Variants in PCLO observed in about 807,000 individuals in gnomAD.
The protein encoded by PCLO is protein piccolo.
Under a neutral mutation model 427.5 loss-of-function variants are expected in PCLO, and 82 were observed. The observed-to-expected ratio is 0.19, with a 90% confidence interval of 0.16 to 0.23. The LOEUF is 0.23. Ranked by LOEUF, PCLO falls within the 10% of genes least tolerant of loss-of-function variation. PCLO has a pLI of 1.00. For synonymous variants in PCLO, 2,357 were observed against 2,155.4 expected (o/e 1.09, Z -2.59); for missense variants, 6,239 against 6,115.9 (o/e 1.02, Z -0.67).
intron 3 of PCLO, among the ~76,000 whole-genome samples, chr7:83,096,250 A>C (rs183519247): frequency 1.9e-3 from 270 of 139,308 alleles, no homozygotes; most frequent in African/African-American, 6.8e-3. Context: ...TAGTACACAG[A>C]GAGATAAGCC....
Position 82,950,694 on chromosome 7 carries a change from C to G in PCLO, c.9894G>C (p.Gln3298His). The change falls in exon 6 of 25, where the codon CAG becomes CAC. Residue 3298 changes from glutamine (Q) to histidine (H), a missense_variant. Gln to His is a conservative substitution (Grantham distance 24). Transcript: ENST00000333891. ...GCTGCTGGTGAAGCTGTTGTTGCAG[C>G]TGTTGGATCTGCTCAAGCTGTAACT... The part of the protein sequence containing the change: ...QQQLQLEQIQ[Q>H]LQQQLHQQLE... 1 of 1,613,862 alleles carries G rather than the reference C, an allele frequency of 6.2e-7. No individual in the cohort carries two copies. Among genetic ancestry groups the G allele is most frequent in the Non-Finnish European group, 8.5e-7 (1 of 1,179,846 alleles).
chr7:82,838,268 G>A lies in PCLO; in HGVS notation c.14172C>T (p.Asn4724=). The A allele has an allele frequency of 1.3e-6, 2 of 1,590,354 alleles. No homozygotes were observed. The highest frequency in any genetic ancestry group is 1.7e-6 in the Non-Finnish European group (2 of 1,163,136). Residue 4724 remains asparagine (N), a synonymous_variant, in exon 15 of 25, where the codon AAC becomes AAT. Transcript: ENST00000333891. ...LQARNLVPRD[N]NGYSDPFVKV... is the part of the protein sequence containing the mutation. ...TCACAAAAGGGTCAGAATAACCATT[G>A]TTGTCTCGAGGAACAAGATTTCTTG...
intron 2 of PCLO, among the ~76,000 whole-genome samples, chr7:83,151,641 T>C (rs574656319): frequency 7.9e-5 from 12 of 152,322 alleles, no homozygotes; most frequent in African/African-American, 2.9e-4. Flanking sequence ...AAATTCTTAT[T>C]ATCTTTCATA....
chr7:83,020,866 G>C (rs1788325844), intron 3 of PCLO, among the ~76,000 whole-genome samples: 1 of 152,128 alleles, frequency 6.6e-6, no homozygotes, highest in African/African-American at 2.4e-5. Context: ...AGGTCAGCTT[G>C]CTCTCTGATC....
At chr7:82,865,710 C>G (rs991803965) in intron 10 of PCLO, among the ~76,000 whole-genome samples, 2 of 152,026 alleles carry the variant, frequency 1.3e-5, no homozygotes, top group African/African-American at 4.8e-5. Flanking sequence ...AATGAATGAA[C>G]ATATTGAGAT....
At chr7:82,909,801 TA>T (rs1794278765) in intron 7 of PCLO, among the ~76,000 whole-genome samples, 1 of 152,072 alleles carries the variant, frequency 6.6e-6, no homozygotes, top group African/African-American at 2.4e-5. Flanking sequence ...ATAAAATGAT[TA>T]TTTTTTTAAG....
chr7:83,125,303 G>T (rs1584056770), intron 3 of PCLO, among the ~76,000 whole-genome samples: 1 of 151,902 alleles, frequency 6.6e-6, no homozygotes, highest in Non-Finnish European at 1.5e-5. Context: ...GCCCCCTCTG[G>T]AAGGTGGGGG....
intron 3 of PCLO, among the ~76,000 whole-genome samples, chr7:83,065,444 C>A (rs1358291693): frequency 6.9e-6 from 1 of 145,686 alleles, no homozygotes; most frequent in East Asian, 2.0e-4. Flanking sequence ...TTTTTTTTTC[C>A]ATTTGGTTTG....
chr7:82,966,553 C>T (rs1795779910), intron 3 of PCLO, 66 bp from the exon 4 acceptor site: 1 of 1,074,746 alleles, frequency 9.3e-7, no homozygotes, highest in African/African-American at 1.6e-5. Flanking sequence ...TGTGATTTTA[C>T]CAAAGTGAAA....
intron 22 of PCLO, among the ~76,000 whole-genome samples, chr7:82,775,622 C>A (rs1346085325): frequency 6.6e-6 from 1 of 152,134 alleles, no homozygotes; most frequent in Non-Finnish European, 1.5e-5. Flanking sequence ...GGATAACAGA[C>A]CTTTATAAGT....
intron 3 of PCLO, among the ~76,000 whole-genome samples, chr7:83,085,226 T>C (rs1187119293): frequency 6.6e-6 from 1 of 152,122 alleles, no homozygotes; most frequent in African/African-American, 2.4e-5. Flanking sequence ...GAAAAGCAAC[T>C]TGTGGAAAGA....
chr7:82,878,132 C>T (rs1793419036), intron 10 of PCLO, among the ~76,000 whole-genome samples: 1 of 152,200 alleles, frequency 6.6e-6, no homozygotes, highest in South Asian at 2.1e-4. Context: ...CCAATTCAAG[C>T]TATCATCATG....
intron 10 of PCLO, among the ~76,000 whole-genome samples, chr7:82,863,876 A>G (rs913760654): frequency 2.6e-5 from 4 of 152,048 alleles, no homozygotes; most frequent in African/African-American, 9.7e-5. Context: ...ACTTGTGGTA[A>G]TACCTTCGGT....
At chr7:82,946,241 T>C (rs534097003) in intron 6 of PCLO, among the ~76,000 whole-genome samples, 2 of 152,286 alleles carry the variant, frequency 1.3e-5, no homozygotes, top group Admixed American at 6.5e-5. Flanking sequence ...ATATAAATCT[T>C]TTCCCATTCC....
chr7:82,902,615 AAC>A, intron 9 of PCLO, 34 bp downstream of exon 9: 1 of 1,271,264 alleles, frequency 7.9e-7, no homozygotes, highest in East Asian at 2.4e-5. Flanking sequence ...AAAACAAAAA[AAC>A]AAAAAAAATA....
intron 6 of PCLO, among the ~76,000 whole-genome samples, chr7:82,926,441 A>T (rs2116320537): frequency 6.6e-6 from 1 of 152,316 alleles, no homozygotes; most frequent in East Asian, 1.9e-4. Flanking sequence ...TGAGAAACTA[A>T]ATTATAGGAC....
At chr7:82,919,734 C>A (rs545354229) in intron 6 of PCLO, among the ~76,000 whole-genome samples, 2 of 151,918 alleles carry the variant, frequency 1.3e-5, no homozygotes, top group African/African-American at 2.4e-5. Flanking sequence ...CCTTTATTAG[C>A]GTTTTCTGCC....
At position 82,916,162 on chromosome 7, in the gene PCLO, G is replaced by A. The variant is rs1220597324; in HGVS notation, c.11824C>T (p.Pro3942Ser). 3.1e-6 allele frequency: 5 copies of A among 1,613,464 alleles called. No individual in the cohort carries two copies. The highest frequency in any genetic ancestry group is 2.7e-5 in the African/African-American group (2 of 74,896). ...ATMSFTPQVQ[P>S]TPTPQPSYQL... ...TAAGAAGGCTGTGGGGTTGGTGTAG[G>A]TTGAACTTGAGGTGTGAAGGACATT... The change falls in exon 7 of 25, where the codon CCT becomes TCT. Residue 3942 changes from proline (P) to serine (S), a missense_variant. Physicochemically the swap from Pro to Ser is moderately conservative, Grantham distance 74 (BLOSUM62 -1). Coordinates refer to ENST00000333891, the MANE Select transcript of PCLO (RefSeq NM_033026.6).
chr7:82,839,647 C>T (rs1792316421), intron 14 of PCLO, among the ~76,000 whole-genome samples: 2 of 152,046 alleles, frequency 1.3e-5, no homozygotes, highest in African/African-American at 4.8e-5. Context: ...CTCTGCCAGC[C>T]TTAGAATCCA....
Sources: gnomAD v4.1 joint callset for allele counts (sites outside exome capture counted in the v4.1 genomes callset) on GRCh38, gnomAD v4.1.1 for gene constraint, MANE v1.5 for transcripts, NCBI Gene and HGNC (gene_info 2026-07-23, HGNC 2026-07-21) for gene names.